Variants in SLC14A1 observed in about 807,000 individuals in gnomAD.
SLC14A1 encodes the protein solute carrier family 14 member 1 (Kidd blood group).
Under a neutral mutation model 39.6 loss-of-function variants are expected in SLC14A1, and 36 were observed. The observed-to-expected ratio is 0.91, with a 90% CI of 0.70 to 1.20. The LOEUF is 1.20. SLC14A1 is among the 50% of genes most tolerant of loss of function. The pLI, the probability that SLC14A1 is intolerant of heterozygous loss-of-function variation, is 0.00. For synonymous variants in SLC14A1, 164 were observed against 173.6 expected, an observed-to-expected ratio of 0.94 and a Z score of 0.43; for missense variants, 469 against 478.7, an observed-to-expected ratio of 0.98 and a Z score of 0.19.
chr18:45,734,783 T>C (rs1426180074), intron 5 of SLC14A1, among the ~76,000 whole-genome samples: 1 of 149,294 alleles, frequency 6.7e-6, no homozygotes, highest in Non-Finnish European at 1.5e-5. Context: ...GGAGGAGGAG[T>C]AGCAGGAGGA....
chr18:45,751,723 T>C lies in SLC14A1; in HGVS notation c.*1772T>C, dbSNP rs1180972614. On this transcript the variant is annotated 3_prime_UTR_variant, in exon 10 of 10. Coordinates refer to ENST00000321925, the MANE Select transcript of SLC14A1 (RefSeq NM_015865.7). ...TGTGCACAGAAGTTCGAGGCTGCAG[T>C]GAGCTATATGATCATGTCACTGCAC... 6 of 492,014 alleles carry C rather than the reference T, an allele frequency of 1.2e-5. No homozygotes were observed. The African/African-American group carries it at 1.3e-4, about 10-fold the overall frequency. The allele number at this position is 492,014 out of a possible 1,614,324, so 30.5% of individuals were successfully genotyped here. A position where few individuals can be genotyped will look rare whatever the true frequency, so the allele number is the denominator to read the frequency against.
chr18:45,730,941 G>A, intron 3 of SLC14A1, 74 bp from the exon 4 acceptor site: 3 of 1,317,306 alleles, frequency 2.3e-6, no homozygotes, highest in South Asian at 1.2e-5. Context: ...TGCTGATTTT[G>A]CTCAGGGTGG....
In SLC14A1 at chr18:45,739,642, A is replaced by C; in HGVS notation, c.926A>C (p.His309Pro). The C allele has an allele frequency of 6.2e-7, 1 of 1,613,960 alleles. No homozygotes were observed. The highest frequency in any genetic ancestry group is 8.5e-7 in the Non-Finnish European group (1 of 1,179,996). ...TTCATGGCGCTCACCTGGCAAACCC[A>C]CCTCCTGGCTCTTGGCTGTGGTGAG... Reference protein sequence around the residue: ...GMFMALTWQTHLLALGCALFT... With the variant: ...GMFMALTWQTPLLALGCALFT... The change falls in exon 8 of 10, where the codon CAC (histidine) becomes CCC (proline). Residue 309 changes from histidine (H) to proline (P), a missense_variant. Transcript: ENST00000321925.
chr18:45,726,217 C>T (rs774126297), intron 2 of SLC14A1, among the ~76,000 whole-genome samples: 64 of 152,270 alleles, frequency 4.2e-4, no homozygotes, highest in Middle Eastern at 3.4e-3. Flanking sequence ...TTACCTGAGA[C>T]ATGTCAGAAG....
rs1432855271 is a variant in SLC14A1, at chr18:45,739,624, C to A, written c.908C>A (p.Ala303Glu). The A allele has an allele frequency of 6.2e-7, 1 of 1,614,186 alleles. No homozygotes were observed. Among genetic ancestry groups the A allele is most frequent in the Non-Finnish European group, 8.5e-7 (1 of 1,180,032 alleles). ...ACIAMGGMFM[A>E]LTWQTHLLAL... is the part of the protein sequence containing the mutation. ...ATTGCAATGGGAGGAATGTTCATGGCGCTCACCTGGCAAACCCACCTCCTG... is the reference window on the plus strand; with the variant it reads ...ATTGCAATGGGAGGAATGTTCATGGAGCTCACCTGGCAAACCCACCTCCTG... The change falls in exon 8 of 10, where the codon GCG becomes GAG. Residue 303 changes from alanine (A) to glutamate (E), a missense_variant. Ala to Glu is a moderately radical substitution (Grantham distance 107). Coordinates refer to ENST00000321925, the MANE Select transcript of SLC14A1 (RefSeq NM_015865.7).
At chr18:45,732,871 A>G (rs1296399829) in intron 4 of SLC14A1, among the ~76,000 whole-genome samples, 2 of 152,194 alleles carry the variant, frequency 1.3e-5, no homozygotes, top group Non-Finnish European at 2.9e-5. Flanking sequence ...TCAATGGTGG[A>G]TTATATAAAG....
intron 2 of SLC14A1, among the ~76,000 whole-genome samples, chr18:45,728,539 C>A (rs2046934727): frequency 6.6e-6 from 1 of 152,126 alleles, no homozygotes; most frequent in Non-Finnish European, 1.5e-5. Context: ...GTCACTACAG[C>A]AGAGGCATGG....
At chr18:45,727,295 C>T (rs1599242254) in intron 2 of SLC14A1, 2 of 1,551,544 alleles carry the variant, frequency 1.3e-6, no homozygotes, top group Admixed American at 3.9e-5. Context: ...CTTTGATTGG[C>T]GGCGCTGGTG....
chr18:45,750,892 T>C lies in SLC14A1; in HGVS notation c.*941T>C. Reference sequence around the variant, plus strand: ...TCTTTAAAATCATATTTTTTATTCATTTGAGGATGTCTTATAAAGACTGAA... The same window carrying C: ...TCTTTAAAATCATATTTTTTATTCACTTGAGGATGTCTTATAAAGACTGAA... On this transcript the variant is annotated 3_prime_UTR_variant, in exon 10 of 10. Transcript: ENST00000321925. 3.0e-6 allele frequency: 3 copies of C among 985,334 alleles called. No individual in the cohort carries two copies. The highest frequency in any genetic ancestry group is 3.6e-6 in the Non-Finnish European group (3 of 829,838). The allele number at this position is 985,334 out of a possible 1,614,324, so 61.0% of individuals were successfully genotyped here. A position where few individuals can be genotyped will look rare whatever the true frequency, so the allele number is the denominator to read the frequency against.
chr18:45,731,231 A>G (rs1383762819), intron 4 of SLC14A1, 27 bp downstream of exon 4: 2 of 1,609,268 alleles, frequency 1.2e-6, no homozygotes, highest in South Asian at 2.2e-5. Context: ...AAGCCTTCTC[A>G]GCTCCCTTCT....
intron 4 of SLC14A1, among the ~76,000 whole-genome samples, chr18:45,733,066 A>G (rs1204159437): frequency 6.6e-6 from 1 of 152,216 alleles, no homozygotes; most frequent in Non-Finnish European, 1.5e-5. Flanking sequence ...AAACACGGAC[A>G]TGGAAATAGT....
Position 45,751,566 on chromosome 18 carries a change from C to T in SLC14A1, c.*1615C>T. The T allele has an allele frequency of 1.0e-6, 1 of 955,398 alleles. No individual in the cohort carries two copies. The highest frequency in any genetic ancestry group is 1.2e-4 in the East Asian group (1 of 8,638). 59.2% of individuals were successfully genotyped at this position (955,398 alleles called of 1,614,324 possible). ...ATGGAGGTAAAAGGATCTCTTGAGCCCAGGAGTTCAAGACCAGCTTGGGCA... is the reference window on the plus strand; with the variant it reads ...ATGGAGGTAAAAGGATCTCTTGAGCTCAGGAGTTCAAGACCAGCTTGGGCA... On this transcript the variant is annotated 3_prime_UTR_variant, in exon 10 of 10. Coordinates refer to ENST00000321925, the MANE Select transcript of SLC14A1 (RefSeq NM_015865.7).
intron 4 of SLC14A1, chr18:45,731,518 G>A (rs10460035): frequency 0.92 from 363,476 of 395,632 alleles, 167,471 homozygotes; most frequent in East Asian, 1. Flanking sequence ...ATTATTTGTC[G>A]TCAGCATTCT....
At chr18:45,740,544 G>GA (rs1366187334) in intron 8 of SLC14A1, among the ~76,000 whole-genome samples, 16 of 145,286 alleles carry the variant, frequency 1.1e-4, no homozygotes, top group South Asian at 2.2e-4. Context: ...AAAGAGAAAA[G>GA]AAAAAAAAAG....
intron 2 of SLC14A1, chr18:45,729,544 A>C (rs1721644540): frequency 6.6e-6 from 1 of 152,238 alleles, no homozygotes; most frequent in South Asian, 2.1e-4. Context: ...TACAATCCTT[A>C]GATTACAGCT....
chr18:45,736,386 A>C, intron 5 of SLC14A1, 70 bp from the exon 6 acceptor site: 2 of 1,482,054 alleles, frequency 1.3e-6, no homozygotes, highest in Non-Finnish European at 1.9e-6. Flanking sequence ...AAGCCCCTCC[A>C]GAGTATAGCG....
intron 6 of SLC14A1, among the ~76,000 whole-genome samples, chr18:45,738,766 C>A (rs1297881470): frequency 6.6e-6 from 1 of 152,136 alleles, no homozygotes; most frequent in Non-Finnish European, 1.5e-5. Flanking sequence ...CACTGATGGA[C>A]ATTTGAAAGC....
intron 2 of SLC14A1, chr18:45,727,224 C>A (rs1192493722): frequency 6.5e-7 from 1 of 1,542,916 alleles, no homozygotes; most frequent in Non-Finnish European, 8.8e-7. Context: ...ACACGTCATG[C>A]TGATTCACAT....
Position 45,736,774 on chromosome 18 carries a change from T to A in SLC14A1, c.663+126T>A. 8 of 805,748 alleles carry A rather than the reference T, an allele frequency of 9.9e-6. 1 individual carries two copies. In the South Asian group the frequency reaches 1.1e-4, roughly 12 times the overall value. The allele number at this position is 805,748 out of a possible 1,614,324, so 49.9% of individuals were successfully genotyped here. On this transcript the variant is annotated intron_variant, in intron 6 of 9. Transcript: ENST00000321925. ...GACTATGGTGGCCTTTCTGCCTTCA[T>A]CTTGCCATTTAAAGCATTTGTTCTA... is the stretch of plus-strand genomic sequence containing the variant.
Sources: gnomAD v4.1 joint callset for allele counts (sites outside exome capture counted in the v4.1 genomes callset) on GRCh38, gnomAD v4.1.1 for gene constraint, MANE v1.5 for transcripts, NCBI Gene and HGNC (gene_info 2026-07-23, HGNC 2026-07-21) for gene names.